ASPM: variants seen among roughly 807,000 people sequenced by gnomAD.
The protein encoded by ASPM is abnormal spindle-like microcephaly-associated protein.
Under a neutral mutation model 366.4 loss-of-function variants are expected in ASPM, and 256 were observed. The observed-to-expected ratio is 0.70, with a 90% confidence interval of 0.63 to 0.77. The LOEUF (loss-of-function observed/expected upper bound fraction) is 0.77. ASPM is among the 30% of genes least tolerant of loss of function. The pLI is 0.00. For synonymous variants in ASPM, 1,414 were observed against 1,342.9 expected (o/e 1.05, Z -1.16); for missense variants, 4,146 against 4,090.4 (o/e 1.01, Z -0.37).
chr1:197,132,491 T>C lies in ASPM; in HGVS notation c.2420-139A>G, dbSNP rs3737111. The C allele has an allele frequency of 0.51, 354,222 of 700,080 alleles. 94,921 individuals are homozygous for C. The highest frequency in any genetic ancestry group is 0.83 in the East Asian group (29,091 of 35,096). The allele number at this position is 700,080 out of a possible 1,614,324, so 43.4% of individuals were successfully genotyped here. On this transcript the variant is annotated intron_variant, in intron 6 of 27. Transcript: ENST00000367409. The stretch of plus-strand genomic sequence containing the variant: ...AGTTAATTTAAATAAAATACACTTA[T>C]AGTCTTAAATATACATGATCATATT...
rs767491728 is a variant in ASPM at position 197,101,853 on chromosome 1, T to C, written c.7398A>G (p.Ser2466=). The change falls in exon 18 of 28, where the codon TCA becomes TCG. Residue 2466 remains serine (S), a synonymous_variant. Transcript: ENST00000367409. The part of the protein sequence containing the change: ...HLRKAAITIQ[S]SYRRLMVKKK... ...TCTTTACCATCAGTCTTCTGTAAGA[T>C]GACTGTATTGTAATGGCTGCCTTTC... 2 of 1,612,524 alleles carry C rather than the reference T, an allele frequency of 1.2e-6. No homozygotes were observed. The highest frequency in any genetic ancestry group is 2.7e-5 in the African/African-American group (2 of 74,796).
At position 197,101,051 on chromosome 1, in the gene ASPM, T is replaced by C; in HGVS notation, c.8200A>G (p.Asn2734Asp). ...LYVRVKTERK[N>D]FLAVQKSVRT... ...ACAGATTTCTGAACTGCTAAAAAGT[T>C]TTTTCTTTCTGTTTTTACTCTAACA... The change falls in exon 18 of 28, where the codon AAC (asparagine) becomes GAC (aspartate). Residue 2734 changes from asparagine to aspartate, a missense_variant. By Grantham distance (23) the Asn-to-Asp change is conservative (BLOSUM62 1). This residue lies in a region of ASPM where 3,624 missense variants were observed against 3,591.7 expected (regional missense o/e 1.01). Coordinates refer to ENST00000367409, the MANE Select transcript of ASPM (RefSeq NM_018136.5). 2 of 1,611,506 alleles carry C rather than the reference T, an allele frequency of 1.2e-6. No individual in the cohort carries two copies. The highest frequency in any genetic ancestry group is 1.7e-4 in the Middle Eastern group (1 of 6,032).
Position 197,105,045 on chromosome 1 carries a change from C to T in ASPM, c.4206G>A (p.Arg1402=), listed in dbSNP as rs1657367896. The T allele has an allele frequency of 1.9e-6, 3 of 1,610,206 alleles. No individual in the cohort carries two copies. The highest frequency in any genetic ancestry group is 2.5e-6 in the Non-Finnish European group (3 of 1,177,816). Residue 1402 remains arginine, a synonymous_variant, in exon 18 of 28, where the codon AGG becomes AGA. Transcript: ENST00000367409. Reference sequence around the variant, plus strand: ...TTCTTCTTAAATAAGCACGCCAATGCCTCTGAATTGTAACTGTAGCCCAAA... The same window carrying T: ...TTCTTCTTAAATAAGCACGCCAATGTCTCTGAATTGTAACTGTAGCCCAAA... ...RYLWATVTIQ[R]HWRAYLRRKQ...
At chr1:197,113,741 A>G (rs1483577329) in intron 17 of ASPM, among the ~76,000 whole-genome samples, 2 of 152,204 alleles carry the variant, frequency 1.3e-5, no homozygotes, top group Non-Finnish European at 2.9e-5. Context: ...TAGAGGCCTA[A>G]TAACAATCAT....
At chr1:197,111,425 A>C (rs1657581788) in intron 17 of ASPM, among the ~76,000 whole-genome samples, 1 of 152,054 alleles carries the variant, frequency 6.6e-6, no homozygotes, top group Non-Finnish European at 1.5e-5. Context: ...AAAGTCAAAA[A>C]ACAGATGCTG....
intron 17 of ASPM, among the ~76,000 whole-genome samples, chr1:197,108,971 C>CAAAAA (rs564818123): frequency 1.4e-5 from 1 of 69,756 alleles, no homozygotes; most frequent in African/African-American, 6.5e-5. Flanking sequence ...ACCCTGTCTC[C>CAAAAA]AAAAAAAAAA....
Position 197,128,519 on chromosome 1 carries a change from G to A in ASPM, c.2907C>T (p.Ala969=), listed in dbSNP as rs779286889. Residue 969 remains alanine (A), a synonymous_variant, in exon 10 of 28, where the codon GCC becomes GCT. Transcript: ENST00000367409. ...DEFDFAVTNL[A]VDLQCGVRLV... ...GGCGCACTCCACATTGCAAGTCTACGGCAAGATTTGTAACGGCAAAATCAA... is the reference window on the plus strand; with the variant it reads ...GGCGCACTCCACATTGCAAGTCTACAGCAAGATTTGTAACGGCAAAATCAA... The A allele has an allele frequency of 1.5e-5, 25 of 1,613,478 alleles. No individual in the cohort carries two copies. Among genetic ancestry groups the A allele is most frequent in the Middle Eastern group, 1.6e-4 (1 of 6,082 alleles).
In ASPM at chr1:197,101,391, C is replaced by G. The variant is rs12138336; in HGVS notation, c.7860G>C (p.Gln2620His). The G allele has an allele frequency of 0.066, 106,666 of 1,608,614 alleles. 4,194 individuals are homozygous for G. The highest frequency in any genetic ancestry group is 0.077 in the Non-Finnish European group (90,493 of 1,178,810). ...TGGCAGCCTGGTGCTGTTCCTGAAT[C>G]TGTTTTTTTATGTTCATGTCCTGAA... ...AGFQDMNIKK[Q>H]IQEQHQAAII... Residue 2620 changes from glutamine to histidine, a missense_variant, in exon 18 of 28, where the codon CAG becomes CAC. Around this residue, in one of 3 missense-constraint regions of ASPM, gnomAD observed 3,624 missense variants for 3,591.7 expected, o/e 1.01. Transcript: ENST00000367409.
rs372375601 is a variant in ASPM at position 197,124,966 on chromosome 1, A to G, written c.3083-11T>C. 169 of 1,609,102 alleles carry G rather than the reference A, an allele frequency of 1.1e-4. 1 individual carries two copies. Among genetic ancestry groups the G allele is most frequent in the Middle Eastern group, 1.6e-4 (1 of 6,080 alleles). On this transcript the variant is annotated splice_polypyrimidine_tract_variant and intron_variant, in intron 11 of 27. Transcript: ENST00000367409. ...ATAGAATTGTATTTCCTATAAAAGA[A>G]AAGGTTGTCCATTAGCATAATGTAC...
At chr1:197,136,776 T>A (rs1279138489) in intron 4 of ASPM, among the ~76,000 whole-genome samples, 1 of 152,054 alleles carries the variant, frequency 6.6e-6, no homozygotes, top group Non-Finnish European at 1.5e-5. Context: ...GCTACATAAA[T>A]CTGGAAACTC....
At chr1:197,128,374 G>C (rs1213561332) in intron 10 of ASPM, 116 bp downstream of exon 10, 2 of 937,768 alleles carry the variant, frequency 2.1e-6, no homozygotes, top group East Asian at 2.9e-5. Flanking sequence ...ATTTTTTTCA[G>C]TACTAAATTT....
intron 6 of ASPM, among the ~76,000 whole-genome samples, chr1:197,132,962 G>A (rs143171621): frequency 1.8e-4 from 27 of 152,184 alleles, no homozygotes; most frequent in African/African-American, 6.5e-4. Flanking sequence ...GTGGTTGCCA[G>A]AGAATGGGGT....
chr1:197,128,905 G>A (rs1296080438), intron 9 of ASPM, among the ~76,000 whole-genome samples: 7 of 151,876 alleles, frequency 4.6e-5, no homozygotes, highest in Non-Finnish European at 7.4e-5. Flanking sequence ...CAAAATTAGG[G>A]AAGAAATTTT....
In ASPM at chr1:197,143,593, G is replaced by C; in HGVS notation, c.659C>G (p.Pro220Arg). Residue 220 changes from proline to arginine, a missense_variant, in exon 3 of 28, where the codon CCC (proline) becomes CGC (arginine). By Grantham distance (103) the Pro-to-Arg change is moderately radical. Coordinates refer to ENST00000367409, the MANE Select transcript of ASPM (RefSeq NM_018136.5). Reference sequence around the variant, plus strand: ...GAAAGCAGGGCTAATAGGTGATATGGGTATTTTATTTTCTTCAAGTATTAA... The same window carrying C: ...GAAAGCAGGGCTAATAGGTGATATGCGTATTTTATTTTCTTCAAGTATTAA... ...NSLILEENKI[P>R]ISPISPAFNE... 1 of 1,612,994 alleles carries C rather than the reference G, an allele frequency of 6.2e-7. No individual in the cohort carries two copies. Among genetic ancestry groups the C allele is most frequent in the South Asian group, 1.1e-5 (1 of 91,080 alleles).
Position 197,088,394 on chromosome 1 carries a change from A to G in ASPM, c.10023T>C (p.Asn3341=). 1 of 1,609,430 alleles carries G rather than the reference A, an allele frequency of 6.2e-7. No individual in the cohort carries two copies. The highest frequency in any genetic ancestry group is 8.5e-7 in the Non-Finnish European group (1 of 1,176,624). Reference sequence around the variant, plus strand: ...AAAGCTCCAATAGTATATCTATACAATTTTCTACATCATAAACTGCTGAAG... The same window carrying G: ...AAAGCTCCAATAGTATATCTATACAGTTTTCTACATCATAAACTGCTGAAG... ...KTTSAVYDVE[N]CIDILLELLQ... is the part of the protein sequence containing the mutation. The change falls in exon 26 of 28, where the codon AAT becomes AAC. Residue 3341 remains asparagine (N), a synonymous_variant. Coordinates refer to ENST00000367409, the MANE Select transcript of ASPM (RefSeq NM_018136.5).
In ASPM at chr1:197,124,959, T is replaced by C; in HGVS notation, c.3083-4A>G. The stretch of plus-strand genomic sequence containing the variant: ...TCCTTAGATAGAATTGTATTTCCTA[T>C]AAAAGAAAAGGTTGTCCATTAGCAT... On this transcript the variant is annotated splice_polypyrimidine_tract_variant and splice_region_variant and intron_variant, in intron 11 of 27. Transcript: ENST00000367409. 1 of 1,610,296 alleles carries C rather than the reference T, an allele frequency of 6.2e-7. No homozygotes were observed. The highest frequency in any genetic ancestry group is 1.1e-5 in the South Asian group (1 of 90,982).
In ASPM at chr1:197,128,644, C is replaced by T; in HGVS notation, c.2782G>A (p.Ala928Thr). 1 of 1,612,812 alleles carries T rather than the reference C, an allele frequency of 6.2e-7. No individual in the cohort carries two copies. The highest frequency in any genetic ancestry group is 8.5e-7 in the Non-Finnish European group (1 of 1,179,244). Residue 928 changes from alanine (A) to threonine (T), a missense_variant, in exon 10 of 28, where the codon GCT (alanine) becomes ACT (threonine). This residue lies in a region of ASPM where 3,624 missense variants were observed against 3,591.7 expected (regional missense o/e 1.01). Coordinates refer to ENST00000367409, the MANE Select transcript of ASPM (RefSeq NM_018136.5). ...EFKASKEILLAFSRDFLSGEG... is the reference protein window; with the variant it reads ...EFKASKEILLTFSRDFLSGEG... ...CCACTTAGGAAATCTCGTGAAAAAG[C>T]CAAAAGGATTTCTTTACTAGCCTAT...
rs190020283 is a variant in ASPM, at chr1:197,093,986, C to G, written c.9084+98G>C. On this transcript the variant is annotated intron_variant, in intron 20 of 27. Coordinates refer to ENST00000367409, the MANE Select transcript of ASPM (RefSeq NM_018136.5). ...GGTCTTAAAAACACTTTTTTTCCAG[C>G]GAAGGATTTATTTTTAAAAATTAAA... The G allele has an allele frequency of 1.1e-5, 9 of 814,946 alleles. No individual in the cohort carries two copies. In the African/African-American group the frequency reaches 1.6e-4, roughly 14 times the overall value. The allele number at this position is 814,946 out of a possible 1,614,324, so 50.5% of individuals were successfully genotyped here.
intron 4 of ASPM, chr1:197,138,659 C>T (rs567292636): frequency 2.6e-5 from 14 of 539,662 alleles, no homozygotes; most frequent in Non-Finnish European, 4.0e-5. Context: ...AAAATAAGAA[C>T]TTCAATCAGA....
Sources: gnomAD v4.1 joint callset for allele counts (sites outside exome capture counted in the v4.1 genomes callset) on GRCh38, gnomAD v4.1.1 for gene constraint, gnomAD v4.1.1 regional missense constraint, MANE v1.5 for transcripts, NCBI Gene and HGNC (gene_info 2026-07-23, HGNC 2026-07-21) for gene names.